The following LTBP2 variants were observed in gnomAD, a reference collection of about 807,000 sequenced individuals.
The protein encoded by LTBP2 is latent transforming growth factor beta binding protein 2, also known as latent-transforming growth factor beta-binding protein 2.
LTBP2 carries 103 observed loss-of-function variants against 210.6 expected under a neutral mutation model. That is an observed-to-expected ratio of 0.49 (90% CI 0.42 to 0.58). The LOEUF is 0.58. LTBP2 is among the 20% of genes least tolerant of loss of function. The probability of loss-of-function intolerance (pLI) is 0.00; values close to 1 mark genes in which losing one functional copy is unlikely to be tolerated. For synonymous variants in LTBP2, 1,007 were observed against 1,015.0 expected, an observed-to-expected ratio of 0.99 and a Z score of 0.15; for missense variants, 2,313 against 2,494.5, an observed-to-expected ratio of 0.93 and a Z score of 1.55.
intron 15 of LTBP2, among the ~76,000 whole-genome samples, chr14:74,523,303 C>G (rs1038458622): frequency 5.3e-5 from 8 of 152,168 alleles, no homozygotes; most frequent in Admixed American, 2.0e-4. Context: ...GACAGACAGA[C>G]AGACCTGGTG....
rs750899556 is a variant in LTBP2, at chr14:74,506,736, T to C, written c.3995A>G (p.Gln1332Arg). ...GCCTGAGGGAGAGATCTCGAAGCCC[T>C]GGTCACAGAGGCAGCGGAAGGAGCC... ...TDGSFRCLCD[Q>R]GFEISPSGWD... The change falls in exon 27 of 36, where the codon CAG becomes CGG. Residue 1332 changes from glutamine (Q) to arginine (R), a missense_variant. Transcript: ENST00000261978. 7.4e-6 allele frequency: 12 copies of C among 1,613,806 alleles called. No homozygotes were observed. The highest frequency in any genetic ancestry group is 3.3e-4 in the Middle Eastern group (2 of 6,082).
chr14:74,600,749 C>G (rs1037635438), intron 2 of LTBP2, among the ~76,000 whole-genome samples: 1 of 152,184 alleles, frequency 6.6e-6, no homozygotes, highest in Non-Finnish European at 1.5e-5. Flanking sequence ...TAAGCTCTCT[C>G]AAACATACCA....
chr14:74,506,598 G>A, intron 27 of LTBP2, 100 bp downstream of exon 27: 1 of 1,559,662 alleles, frequency 6.4e-7, no homozygotes, highest in Non-Finnish European at 8.7e-7. Context: ...ATGCTCTGGG[G>A]ACCCGTGATG....
chr14:74,534,398 C>A (rs2087392227), intron 9 of LTBP2, among the ~76,000 whole-genome samples: 1 of 152,184 alleles, frequency 6.6e-6, no homozygotes, highest in East Asian at 1.9e-4. Context: ...CCAGACAGCA[C>A]AAACTGTTCT....
At chr14:74,607,804 G>A (rs1452177121) in intron 1 of LTBP2, among the ~76,000 whole-genome samples, 1 of 152,160 alleles carries the variant, frequency 6.6e-6, no homozygotes, top group Non-Finnish European at 1.5e-5. Flanking sequence ...TAAATTCAGG[G>A]TAGTGGTTAA....
At chr14:74,529,334 G>A (rs1456197286) in intron 10 of LTBP2, among the ~76,000 whole-genome samples, 2 of 152,258 alleles carry the variant, frequency 1.3e-5, no homozygotes, top group Non-Finnish European at 2.9e-5. Flanking sequence ...CCCATGTTGT[G>A]TGCTTGATGA....
chr14:74,557,691 C>T (rs1342327221), intron 3 of LTBP2, among the ~76,000 whole-genome samples: 1 of 151,830 alleles, frequency 6.6e-6, no homozygotes, highest in Non-Finnish European at 1.5e-5. Flanking sequence ...GTTGTAAATA[C>T]TCTGTCATTG....
chr14:74,567,745 T>C (rs1047720070), intron 3 of LTBP2, among the ~76,000 whole-genome samples: 1 of 152,012 alleles, frequency 6.6e-6, no homozygotes, highest in African/African-American at 2.4e-5. Flanking sequence ...ACACAGCTGC[T>C]GCCCTGAAAA....
At position 74,552,168 on chromosome 14, in the gene LTBP2, C is replaced by CA; in HGVS notation, c.1399+18dup. On this transcript the variant is annotated intron_variant, in intron 6 of 35. Coordinates refer to ENST00000261978, the MANE Select transcript of LTBP2 (RefSeq NM_000428.3). The stretch of plus-strand genomic sequence containing the variant: ...CACTCCTCCCAGGGTCCCGCCGGCC[C>CA]AGCTGTGCCGGCACTCACCCAGCTG... The CA allele has an allele frequency of 6.3e-7, 1 of 1,581,388 alleles. No individual in the cohort carries two copies. Among genetic ancestry groups the CA allele is most frequent in the Non-Finnish European group, 8.6e-7 (1 of 1,166,754 alleles).
chr14:74,535,441 C>T (rs894043236), intron 9 of LTBP2, among the ~76,000 whole-genome samples: 7 of 152,200 alleles, frequency 4.6e-5, no homozygotes, highest in Non-Finnish European at 8.8e-5. Context: ...CCGTGCTCCC[C>T]GTCCCCTTTC....
chr14:74,595,105 C>T (rs2088339561), intron 2 of LTBP2, among the ~76,000 whole-genome samples: 1 of 152,270 alleles, frequency 6.6e-6, no homozygotes, highest in Non-Finnish European at 1.5e-5. Context: ...TTGCTCTCTG[C>T]AGACGCTGTC....
intron 2 of LTBP2, among the ~76,000 whole-genome samples, chr14:74,591,599 G>A (rs1595296839): frequency 1.3e-5 from 2 of 152,326 alleles, no homozygotes; most frequent in South Asian, 4.1e-4. Flanking sequence ...ACAAGTCTCG[G>A]CAAGATGCCT....
At chr14:74,574,034 G>T (rs1040919823) in intron 3 of LTBP2, among the ~76,000 whole-genome samples, 1 of 152,132 alleles carries the variant, frequency 6.6e-6, no homozygotes, top group Admixed American at 6.5e-5. Flanking sequence ...ATTAGGTGGT[G>T]CCTGTAAACT....
At chr14:74,547,958 A>G (rs993892840) in intron 8 of LTBP2, among the ~76,000 whole-genome samples, 2 of 152,040 alleles carry the variant, frequency 1.3e-5, no homozygotes, top group African/African-American at 4.8e-5. Flanking sequence ...GCTCCAGAAA[A>G]TGTTGCTCAT....
Position 74,535,719 on chromosome 14 carries a change from C to T in LTBP2, c.1864+207G>A, listed in dbSNP as rs533312790. Among the ~76,000 whole-genome samples the T allele has an allele frequency of 1.2e-4, 19 of 152,160 alleles. No homozygotes were observed. In the South Asian group the frequency reaches 2.9e-3, roughly 23 times the overall value. The stretch of plus-strand genomic sequence containing the variant: ...TGGAGATGGGGACGAGGGGAGGTGT[C>T]GGCCCCCTTGGCTTCCTCTGTCACT... On this transcript the variant is annotated intron_variant, in intron 9 of 35. Transcript: ENST00000261978.
At chr14:74,556,666 G>T (rs61980885) in intron 3 of LTBP2, among the ~76,000 whole-genome samples, 55,789 of 151,992 alleles carry the variant, frequency 0.37, 12,418 homozygotes, top group Non-Finnish European at 0.51. Flanking sequence ...ACAGGAGCCC[G>T]CCACCACTCC....
At position 74,565,685 on chromosome 14, in the gene LTBP2, T is replaced by C. The variant is rs1445087963; in HGVS notation, c.831-9992A>G. ...AACTTGGGAGAGAGTTTTGGGGCTGTAGACACAGTTGGGGCTGGGAGGAGG... is the reference window on the plus strand; with the variant it reads ...AACTTGGGAGAGAGTTTTGGGGCTGCAGACACAGTTGGGGCTGGGAGGAGG... On this transcript the variant is annotated intron_variant, in intron 3 of 35. Coordinates refer to ENST00000261978, the MANE Select transcript of LTBP2 (RefSeq NM_000428.3). Among the ~76,000 whole-genome samples, 3 of 152,080 alleles carry C rather than the reference T, an allele frequency of 2.0e-5. No homozygotes were observed. The East Asian group carries it at 5.8e-4, about 29-fold the overall frequency.
At chr14:74,523,275 C>T (rs965448004) in intron 15 of LTBP2, among the ~76,000 whole-genome samples, 1 of 152,198 alleles carries the variant, frequency 6.6e-6, no homozygotes, top group African/African-American at 2.4e-5. Context: ...CCCTGCAACT[C>T]CTGCCCAGTT....
intron 2 of LTBP2, among the ~76,000 whole-genome samples, chr14:74,587,477 G>C (rs1028094675): frequency 6.6e-6 from 1 of 151,728 alleles, no homozygotes; most frequent in Non-Finnish European, 1.5e-5. Flanking sequence ...TGAAGAGAGA[G>C]ATGGGAGCGT....
Sources: gnomAD v4.1 joint callset for allele counts (sites outside exome capture counted in the v4.1 genomes callset) on GRCh38, gnomAD v4.1.1 for gene constraint, MANE v1.5 for transcripts, NCBI Gene and HGNC (gene_info 2026-07-23, HGNC 2026-07-21) for gene names.